The following MACROD2 variants were observed in gnomAD, a reference collection of about 807,000 sequenced individuals.
MACROD2 encodes the protein ADP-ribose glycohydrolase MACROD2.
MACROD2 carries 36 observed loss-of-function variants against 70.4 expected under a neutral mutation model. That is an observed-to-expected ratio of 0.51 (90% CI 0.39 to 0.68). The LOEUF (loss-of-function observed/expected upper bound fraction) is 0.68, where lower values mean the gene tolerates loss of function less well. Among genes scored for constraint, MACROD2 ranks in the 30% least tolerant of loss-of-function variants. MACROD2 has a pLI of 0.00. For synonymous variants in MACROD2, 172 were observed against 178.8 expected (o/e 0.96, Z 0.30); for missense variants, 496 against 538.4 (o/e 0.92, Z 0.78).
intron 9 of MACROD2, among the ~76,000 whole-genome samples, chr20:15,879,711 T>C (rs1297288330): frequency 2.0e-5 from 3 of 152,094 alleles, no homozygotes; most frequent in African/African-American, 7.2e-5. Context: ...TATATTAAAA[T>C]ACATGGAAAG....
intron 5 of MACROD2, among the ~76,000 whole-genome samples, chr20:14,980,614 C>G (rs1380120003): frequency 2.0e-5 from 3 of 152,126 alleles, no homozygotes; most frequent in Non-Finnish European, 2.9e-5. Flanking sequence ...AAGTGAAATA[C>G]TACTAATCAT....
At chr20:14,188,738 T>C (rs1232552741) in intron 3 of MACROD2, among the ~76,000 whole-genome samples, 2 of 152,148 alleles carry the variant, frequency 1.3e-5, no homozygotes, top group East Asian at 1.9e-4. Context: ...TTTTGAGTTA[T>C]GCCAGATGTA....
At chr20:15,987,372 T>C (rs1201854175) in intron 15 of MACROD2, among the ~76,000 whole-genome samples, 1 of 152,202 alleles carries the variant, frequency 6.6e-6, no homozygotes, top group East Asian at 1.9e-4. Context: ...ACATATAGCA[T>C]AAAGATGTTT....
chr20:14,527,111 G>A (rs2085242883), intron 4 of MACROD2, among the ~76,000 whole-genome samples: 1 of 152,196 alleles, frequency 6.6e-6, no homozygotes, highest in South Asian at 2.1e-4. Flanking sequence ...TCCTCCAACT[G>A]CCCCAGCCAA....
intron 6 of MACROD2, among the ~76,000 whole-genome samples, chr20:15,315,081 C>A (rs2077794454): frequency 6.6e-6 from 1 of 152,062 alleles, no homozygotes; most frequent in Non-Finnish European, 1.5e-5. Context: ...AATCAGCAAA[C>A]TGGAAGTGGG....
rs563262696 is a variant in MACROD2, at chr20:14,002,050, A to G, written c.47-238A>G. Among the ~76,000 whole-genome samples, 231 of 152,324 alleles carry G rather than the reference A, an allele frequency of 1.5e-3. 1 individual carries two copies. The highest frequency in any genetic ancestry group is 4.7e-3 in the African/African-American group (194 of 41,568). On this transcript the variant is annotated intron_variant, in intron 1 of 17. Transcript: ENST00000684519. The stretch of plus-strand genomic sequence containing the variant: ...GTTGCTTGAAAGTGTAAATGAGTTT[A>G]CTTATTTCTTGGACTATCATAAGAG...
chr20:15,841,643 A>G (rs533838153), intron 8 of MACROD2, among the ~76,000 whole-genome samples: 18 of 152,162 alleles, frequency 1.2e-4, no homozygotes, highest in African/African-American at 3.6e-4. Context: ...CACCCCCATG[A>G]TTCACTCACC....
intron 5 of MACROD2, among the ~76,000 whole-genome samples, chr20:14,861,983 A>ATT (rs1355512901): frequency 1.7e-5 from 1 of 57,410 alleles, no homozygotes; most frequent in Non-Finnish European, 3.1e-5. Flanking sequence ...ATAAATATAT[A>ATT]TATATATATT....
At chr20:14,791,372 C>T (rs1299656099) in intron 5 of MACROD2, among the ~76,000 whole-genome samples, 1 of 151,972 alleles carries the variant, frequency 6.6e-6, no homozygotes, top group Non-Finnish European at 1.5e-5. Flanking sequence ...TGGATACTTA[C>T]AAAAGATGTG....
intron 6 of MACROD2, among the ~76,000 whole-genome samples, chr20:15,283,425 C>A (rs2077463703): frequency 6.6e-6 from 1 of 152,138 alleles, no homozygotes; most frequent in Non-Finnish European, 1.5e-5. Flanking sequence ...GTAATCCCTG[C>A]CCTTTGGGAG....
chr20:14,398,183 T>A (rs865991205), intron 3 of MACROD2, among the ~76,000 whole-genome samples: 6 of 152,216 alleles, frequency 3.9e-5, no homozygotes, highest in African/African-American at 1.4e-4. Flanking sequence ...GTATCTTAGC[T>A]ATTGTGAATA....
chr20:15,777,488 CT>C (rs2051742228), intron 8 of MACROD2, among the ~76,000 whole-genome samples: 4 of 145,438 alleles, frequency 2.8e-5, no homozygotes, highest in African/African-American at 7.7e-5. Context: ...CAAGTTGATT[CT>C]TTTTTTTCCT....
chr20:15,430,615 C>G (rs995766046), intron 6 of MACROD2, among the ~76,000 whole-genome samples: 7 of 151,878 alleles, frequency 4.6e-5, no homozygotes, highest in Admixed American at 3.3e-4. Flanking sequence ...TTTTTTCAAT[C>G]AAATTCTCTG....
rs535284992 is a variant in MACROD2 at position 14,027,334 on chromosome 20, CTGGTTATTCTAGT to C, written c.163+24932_163+24944del. 4.0e-3 allele frequency among the ~76,000 whole-genome samples: 612 copies of C among 152,184 alleles called. 1 individual carries two copies. Among genetic ancestry groups the C allele is most frequent in the East Asian group, 9.9e-3 (51 of 5,156 alleles). On this transcript the variant is annotated intron_variant, in intron 2 of 17. Transcript: ENST00000684519. ...CAGGTCATTTCTGTTTTTCTCTAAA[CTGGTTATTCTAGT>C]TAGCAATTCCTCTAACCTTTTTTCA...
At chr20:15,676,487 T>G (rs995942477) in intron 8 of MACROD2, among the ~76,000 whole-genome samples, 1 of 152,240 alleles carries the variant, frequency 6.6e-6, no homozygotes, top group African/African-American at 2.4e-5. Flanking sequence ...AGATTGGTCA[T>G]ATATTTTGCA....
chr20:15,045,232 A>T (rs1271533978), intron 5 of MACROD2, among the ~76,000 whole-genome samples: 1 of 152,174 alleles, frequency 6.6e-6, no homozygotes, highest in African/African-American at 2.4e-5. Context: ...CCTAATCAGA[A>T]AACACAGCTT....
intron 8 of MACROD2, among the ~76,000 whole-genome samples, chr20:15,540,347 G>C (rs1261989735): frequency 6.6e-6 from 1 of 152,204 alleles, no homozygotes; most frequent in African/African-American, 2.4e-5. Flanking sequence ...GACATGGCCA[G>C]ATTTGCCATT....
chr20:14,092,510 T>C (rs983442628), intron 3 of MACROD2, among the ~76,000 whole-genome samples: 4 of 152,210 alleles, frequency 2.6e-5, no homozygotes, highest in African/African-American at 4.8e-5. Flanking sequence ...TTTGTAGATA[T>C]TTAGGTAAAC....
chr20:15,964,511 C>G (rs1308745203), intron 12 of MACROD2, among the ~76,000 whole-genome samples: 3 of 152,126 alleles, frequency 2.0e-5, no homozygotes, highest in African/African-American at 4.8e-5. Flanking sequence ...GGCCCCACCC[C>G]CTAGTGCCAT....
Sources: allele counts gnomAD v4.1 joint callset (sites outside exome capture counted in the v4.1 genomes callset), GRCh38; gene constraint gnomAD v4.1.1; transcripts MANE v1.5; gene names NCBI Gene and HGNC (gene_info 2026-07-23, HGNC 2026-07-21).